PAPPA: variants seen among roughly 807,000 people sequenced by gnomAD.
PAPPA encodes pappalysin 1.
PAPPA carries 60 observed loss-of-function variants against 164.0 expected under a neutral mutation model. The observed-to-expected ratio is 0.37, with a 90% CI of 0.30 to 0.45. The LOEUF (loss-of-function observed/expected upper bound fraction) is 0.45, where lower values mean the gene tolerates loss of function less well. Ranked by LOEUF, PAPPA falls within the 20% of genes least tolerant of loss-of-function variation. The pLI is 1.00. For synonymous variants in PAPPA, 875 were observed against 814.1 expected (o/e 1.07, Z -1.27); for missense variants, 1,782 against 2,087.3 (o/e 0.85, Z 2.85).
rs1843579129 is a variant in PAPPA, at chr9:116,154,641, C to A, written c.415+54C>A. The A allele has an allele frequency of 3.1e-6, 4 of 1,274,464 alleles. No homozygotes were observed. The South Asian group carries it at 1.0e-4, about 32-fold the overall frequency. The allele number at this position is 1,274,464 out of a possible 1,614,324, so 78.9% of individuals were successfully genotyped here. A position where few individuals can be genotyped will look rare whatever the true frequency, so the allele number is the denominator to read the frequency against. On this transcript the variant is annotated intron_variant, in intron 1 of 21. Coordinates refer to ENST00000328252, the MANE Select transcript of PAPPA (RefSeq NM_002581.5). The surrounding 1 kb of genome is among the most constrained non-coding windows in gnomAD (Gnocchi z 5.2). ...CACCGTCCCTGCGGCCCCAGAGGCT[C>A]GCGGGTGTCTGGGCGCGGGTGGCGG...
At chr9:116,233,245 C>G (rs374041866) in intron 6 of PAPPA, among the ~76,000 whole-genome samples, 1 of 152,186 alleles carries the variant, frequency 6.6e-6, no homozygotes, top group Non-Finnish European at 1.5e-5. Flanking sequence ...AAAATGACAA[C>G]GATCTTACAG....
intron 4 of PAPPA, among the ~76,000 whole-genome samples, chr9:116,214,366 A>G (rs1032591607): frequency 1.3e-5 from 2 of 152,184 alleles, no homozygotes; most frequent in African/African-American, 4.8e-5. Context: ...TAGCCCAAGG[A>G]GGTGCACAAG....
At chr9:116,273,421 T>G (rs2118829530) in intron 9 of PAPPA, among the ~76,000 whole-genome samples, 1 of 152,344 alleles carries the variant, frequency 6.6e-6, no homozygotes, top group South Asian at 2.1e-4. Flanking sequence ...GAGAGTTCAG[T>G]GATGACAGCA....
rs548187394 is a variant in PAPPA, at chr9:116,185,389, C to T, written c.416-1765C>T. On this transcript the variant is annotated intron_variant, in intron 1 of 21. Coordinates refer to ENST00000328252, the MANE Select transcript of PAPPA (RefSeq NM_002581.5). Reference sequence around the variant, plus strand: ...TGTCAGCTGCTGACAAAGAGATTTACACCAATTCTAAGCTCCCACTGCCCA... The same window carrying T: ...TGTCAGCTGCTGACAAAGAGATTTATACCAATTCTAAGCTCCCACTGCCCA... 6.6e-5 allele frequency among the ~76,000 whole-genome samples: 10 copies of T among 152,298 alleles called. No individual in the cohort carries two copies. In the South Asian group the frequency reaches 1.2e-3, roughly 19 times the overall value.
At chr9:116,256,263 A>G (rs1164352298) in intron 7 of PAPPA, among the ~76,000 whole-genome samples, 1 of 152,026 alleles carries the variant, frequency 6.6e-6, no homozygotes, top group East Asian at 1.9e-4. Flanking sequence ...TTTAGAATAA[A>G]CAGAATGCAA....
intron 7 of PAPPA, among the ~76,000 whole-genome samples, chr9:116,259,818 T>A (rs747549484): frequency 1.6e-4 from 24 of 152,194 alleles, no homozygotes; most frequent in Non-Finnish European, 3.1e-4. Flanking sequence ...ACTCTTGCTA[T>A]GTGCACAGAG....
chr9:116,268,459 C>G (rs971316693), intron 8 of PAPPA, among the ~76,000 whole-genome samples: 1 of 152,156 alleles, frequency 6.6e-6, no homozygotes, highest in African/African-American at 2.4e-5. Context: ...AACTTCATAT[C>G]TAGACTATCC....
intron 7 of PAPPA, among the ~76,000 whole-genome samples, chr9:116,243,321 C>T (rs557087623): frequency 6.6e-6 from 1 of 152,278 alleles, no homozygotes; most frequent in South Asian, 2.1e-4. Context: ...CTTCACATTG[C>T]TAATATGATT....
intron 10 of PAPPA, among the ~76,000 whole-genome samples, chr9:116,322,179 C>T (rs1845864782): frequency 6.6e-6 from 1 of 152,144 alleles, no homozygotes; most frequent in Admixed American, 6.5e-5. Context: ...GTAATCCTAG[C>T]ACTTTGGTAG....
intron 14 of PAPPA, 111 bp downstream of exon 14, chr9:116,344,822 ATAG>A (rs144885752): frequency 0.017 from 13,936 of 799,078 alleles, 205 homozygotes; most frequent in South Asian, 0.046. Flanking sequence ...GTGCTGCCAC[ATAG>A]TAGGTGCTCA....
At chr9:116,276,864 G>C (rs76071167) in intron 9 of PAPPA, among the ~76,000 whole-genome samples, 4,002 of 152,188 alleles carry the variant, frequency 0.026, 169 homozygotes, top group African/African-American at 0.091. Context: ...GAGGGACATC[G>C]AGGAGAGGAG....
chr9:116,372,910 T>C (rs1188072745), intron 19 of PAPPA, among the ~76,000 whole-genome samples: 2 of 152,224 alleles, frequency 1.3e-5, no homozygotes, highest in African/African-American at 2.4e-5. Flanking sequence ...TCAAAGAGGT[T>C]GTCATTGCCC....
intron 7 of PAPPA, among the ~76,000 whole-genome samples, chr9:116,257,800 A>G: frequency 1.3e-5 from 2 of 152,142 alleles, no homozygotes; most frequent in African/African-American, 4.8e-5. Context: ...AAGAATCAAC[A>G]ATTACTAGAA....
chr9:116,371,436 T>G (rs778368048), intron 19 of PAPPA, among the ~76,000 whole-genome samples: 8 of 152,032 alleles, frequency 5.3e-5, no homozygotes, highest in Non-Finnish European at 1.0e-4. Flanking sequence ...TAATGATAAT[T>G]AAAAATAAAC....
At chr9:116,261,311 A>G (rs1844998346) in intron 7 of PAPPA, among the ~76,000 whole-genome samples, 1 of 152,226 alleles carries the variant, frequency 6.6e-6, no homozygotes, top group Non-Finnish European at 1.5e-5. Context: ...GAATGCTATG[A>G]TATAGAAACA....
intron 9 of PAPPA, among the ~76,000 whole-genome samples, chr9:116,300,814 C>T (rs1229384477): frequency 6.6e-6 from 1 of 151,346 alleles, no homozygotes; most frequent in Non-Finnish European, 1.5e-5. Context: ...GATTTAATTC[C>T]TCCACTTAGA....
chr9:116,304,153 T>A (rs915400521), intron 10 of PAPPA, among the ~76,000 whole-genome samples: 6 of 152,214 alleles, frequency 3.9e-5, no homozygotes, highest in African/African-American at 1.4e-4. Flanking sequence ...GTTGCATTTA[T>A]CATACTGAAC....
Position 116,271,537 on chromosome 9 carries a change from G to C in PAPPA, c.2953+121G>C. On this transcript the variant is annotated intron_variant, in intron 9 of 21. Transcript: ENST00000328252. This position sits in a 1 kb window ranked among gnomAD's most constrained non-coding sequence, Gnocchi z 4.2. ...TGATTCACTCCTTTGTATTACACCT[G>C]TTTATTGAGTGCCTCCTACATGCCA... 2 of 726,932 alleles carry C rather than the reference G, an allele frequency of 2.8e-6. No individual in the cohort carries two copies. The highest frequency in any genetic ancestry group is 3.3e-5 in the South Asian group (2 of 59,766). The allele number at this position is 726,932 out of a possible 1,614,324, so 45.0% of individuals were successfully genotyped here.
intron 19 of PAPPA, among the ~76,000 whole-genome samples, chr9:116,374,141 AGAT>A (rs1050059248): frequency 8.4e-4 from 67 of 79,994 alleles, no homozygotes; most frequent in Middle Eastern, 6.8e-3. Context: ...AAGATGGTGC[AGAT>A]GATGGTGGTA....
Sources: allele counts gnomAD v4.1 joint callset (sites outside exome capture counted in the v4.1 genomes callset), GRCh38; gene constraint gnomAD v4.1.1; non-coding constraint Gnocchi (gnomAD v3.1); transcripts MANE v1.5; gene names NCBI Gene and HGNC (gene_info 2026-07-23, HGNC 2026-07-21).